The following IL1RAPL1 variants were observed in gnomAD, a reference collection of about 807,000 sequenced individuals.
The protein encoded by IL1RAPL1 is interleukin 1 receptor accessory protein like 1.
In IL1RAPL1, 3 loss-of-function variants were observed where a neutral mutation model predicts 48.4. The ratio of observed to expected loss-of-function variants is 0.06; its 90% CI spans 0.03 to 0.16. The LOEUF (loss-of-function observed/expected upper bound fraction) is 0.16. Among genes scored for constraint, IL1RAPL1 ranks in the 10% least tolerant of loss-of-function variants. IL1RAPL1 has a pLI of 1.00. For missense variants in IL1RAPL1, 349 were observed against 530.6 expected, an observed-to-expected ratio of 0.66 and a Z score of 3.36; for synonymous variants, 185 against 187.7, an observed-to-expected ratio of 0.99 and a Z score of 0.12.
At position 29,151,534 on chromosome X, in the gene IL1RAPL1, A is replaced by G. The variant is rs765258411; in HGVS notation, c.83-131404A>G. ...TTTGGAGCATGACCCCCCAAACACA[A>G]CAGTCTGGGAATGAAGTGAGATGGG... On this transcript the variant is annotated intron_variant, in intron 2 of 10. Transcript: ENST00000378993. 9.9e-5 allele frequency among the ~76,000 whole-genome samples: 11 copies of G among 111,419 alleles called. 1 individual carries two copies. In the South Asian group the frequency reaches 2.3e-3, roughly 23 times the overall value.
chrX:29,237,117 C>CCA (rs1931324722), intron 2 of IL1RAPL1, among the ~76,000 whole-genome samples: 1 of 111,182 alleles, frequency 9.0e-6, no homozygotes, highest in Non-Finnish European at 1.9e-5. Flanking sequence ...AGTAATATAT[C>CCA]TGCATGATGG....
chrX:29,940,522 C>T (rs1189739712), intron 8 of IL1RAPL1, among the ~76,000 whole-genome samples: 1 of 111,981 alleles, frequency 8.9e-6, no homozygotes, highest in East Asian at 2.8e-4. Context: ...GTTAAGGAAA[C>T]TAGTACTTTT....
intron 6 of IL1RAPL1, among the ~76,000 whole-genome samples, chrX:29,792,332 C>A (rs1929655425): frequency 8.9e-6 from 1 of 111,755 alleles, no homozygotes; most frequent in Admixed American, 9.6e-5. Flanking sequence ...CTTGAAATCC[C>A]ACATTTAGAG....
At chrX:29,382,488 G>C (rs183337412) in intron 3 of IL1RAPL1, among the ~76,000 whole-genome samples, 7 of 111,011 alleles carry the variant, frequency 6.3e-5, no homozygotes, top group Admixed American at 2.9e-4. Context: ...CTACGGCCAG[G>C]GATCAGTGTT....
At chrX:28,786,633 C>T (rs954413621) in intron 1 of IL1RAPL1, among the ~76,000 whole-genome samples, 5 of 111,722 alleles carry the variant, frequency 4.5e-5, no homozygotes, top group Non-Finnish European at 7.5e-5. Flanking sequence ...TTATAGGTGG[C>T]AAAGCTGGGA....
intron 2 of IL1RAPL1, among the ~76,000 whole-genome samples, chrX:29,052,093 C>G (rs912794161): frequency 4.5e-5 from 5 of 112,004 alleles, no homozygotes; most frequent in African/African-American, 1.6e-4. Flanking sequence ...TTTAGCACCT[C>G]TATTAAATTT....
At chrX:29,160,148 TG>T (rs779597383) in intron 2 of IL1RAPL1, among the ~76,000 whole-genome samples, 2 of 112,325 alleles carry the variant, frequency 1.8e-5, no homozygotes, top group East Asian at 5.6e-4. Context: ...ATGCAAATTA[TG>T]TTTTCTATTT....
intron 2 of IL1RAPL1, among the ~76,000 whole-genome samples, chrX:28,946,340 A>AG (rs113438299): frequency 0.37 from 40,775 of 109,279 alleles, 6,224 homozygotes; most frequent in Non-Finnish European, 0.47. Flanking sequence ...GGAAAGCAAT[A>AG]GGGGTAGTAT....
At chrX:29,521,660 T>C (rs896381389) in intron 5 of IL1RAPL1, among the ~76,000 whole-genome samples, 16 of 111,793 alleles carry the variant, frequency 1.4e-4, no homozygotes, top group Admixed American at 9.5e-5. Flanking sequence ...CTCTCTTTTG[T>C]ATATGATGCG....
In IL1RAPL1 at chrX:29,627,200, G is replaced by A. The variant is rs993314451; in HGVS notation, c.704-41230G>A. ...GATTAGCAGATGATTTTAAAATGTG[G>A]CAAATGCTGTGAAGGAGGGGTGAGG... On this transcript the variant is annotated intron_variant, in intron 5 of 10. Transcript: ENST00000378993. Among the ~76,000 whole-genome samples, 12 of 112,090 alleles carry A rather than the reference G, an allele frequency of 1.1e-4. No homozygotes were observed. In the Admixed American group the frequency reaches 1.1e-3, roughly 11 times the overall value.
chrX:29,667,770 T>C (rs1403192074), intron 5 of IL1RAPL1, among the ~76,000 whole-genome samples: 1 of 111,997 alleles, frequency 8.9e-6, no homozygotes, highest in Non-Finnish European at 1.9e-5. Flanking sequence ...TCGAAGAGAG[T>C]ATATCATGCA....
intron 2 of IL1RAPL1, among the ~76,000 whole-genome samples, chrX:28,872,349 A>G (rs1000192521): frequency 3.6e-5 from 4 of 111,969 alleles, no homozygotes; most frequent in Non-Finnish European, 7.5e-5. Context: ...ATCTTCCTTT[A>G]TTCTTAAAAC....
intron 2 of IL1RAPL1, among the ~76,000 whole-genome samples, chrX:29,012,493 G>A (rs963371183): frequency 3.6e-5 from 4 of 111,555 alleles, no homozygotes; most frequent in African/African-American, 1.3e-4. Flanking sequence ...GCAGTGAGCC[G>A]AGATCATGCC....
chrX:28,709,484 A>G (rs1480711556), intron 1 of IL1RAPL1, among the ~76,000 whole-genome samples: 1 of 111,415 alleles, frequency 9.0e-6, no homozygotes, highest in African/African-American at 3.3e-5. Flanking sequence ...CAAAACATGA[A>G]TCTGTATTGA....
intron 6 of IL1RAPL1, among the ~76,000 whole-genome samples, chrX:29,710,484 A>T (rs1927309632): frequency 1.9e-5 from 2 of 107,912 alleles, no homozygotes; most frequent in African/African-American, 6.7e-5. Flanking sequence ...GATTTACATG[A>T]TTTTTAATTT....
intron 2 of IL1RAPL1, among the ~76,000 whole-genome samples, chrX:29,085,244 T>C (rs1256071835): frequency 9.0e-6 from 1 of 111,412 alleles, no homozygotes; most frequent in Non-Finnish European, 1.9e-5. Flanking sequence ...TTTTGGTCAG[T>C]TGTGAGAAAG....
chrX:29,575,230 A>G (rs1040327258), intron 5 of IL1RAPL1, among the ~76,000 whole-genome samples: 2 of 112,072 alleles, frequency 1.8e-5, no homozygotes, highest in African/African-American at 6.5e-5. Context: ...CAGAACTAAT[A>G]GGATATGTGT....
At chrX:28,867,676 T>C (rs1922111194) in intron 2 of IL1RAPL1, among the ~76,000 whole-genome samples, 3 of 112,023 alleles carry the variant, frequency 2.7e-5, no homozygotes, top group South Asian at 3.7e-4. Context: ...TTGCAGTTTC[T>C]CTCAACATAG....
At position 29,911,423 on chromosome X, in the gene IL1RAPL1, A is replaced by T. The variant is rs183917434; in HGVS notation, c.779-6041A>T. On this transcript the variant is annotated intron_variant, in intron 6 of 10. Transcript: ENST00000378993. ...TGGTTCTGATTGTACAATTCTGTGCATATACAGAAAACCATGGAATTGTAC... is the reference window on the plus strand; with the variant it reads ...TGGTTCTGATTGTACAATTCTGTGCTTATACAGAAAACCATGGAATTGTAC... Among the ~76,000 whole-genome samples the T allele has an allele frequency of 7.1e-5, 8 of 111,932 alleles. No individual in the cohort carries two copies. In the East Asian group the frequency reaches 2.2e-3, roughly 31 times the overall value.
Sources: allele counts gnomAD v4.1 joint callset (sites outside exome capture counted in the v4.1 genomes callset), GRCh38; gene constraint gnomAD v4.1.1; transcripts MANE v1.5; gene names NCBI Gene and HGNC (gene_info 2026-07-23, HGNC 2026-07-21).